Variants in PSD3 observed in about 807,000 individuals in gnomAD.
The protein encoded by PSD3 is pleckstrin and Sec7 domain containing 3, also known as PH and SEC7 domain-containing protein 3.
A neutral mutation model predicts 105.5 loss-of-function variants in PSD3; 49 were observed. That is an observed-to-expected ratio of 0.46 (90% CI 0.37 to 0.59). The LOEUF is 0.59. Among genes scored for constraint, PSD3 ranks in the 20% least tolerant of loss-of-function variants. PSD3 has a pLI of 0.00. For synonymous variants in PSD3, 557 were observed against 457.8 expected, an observed-to-expected ratio of 1.22 and a Z score of -2.77; for missense variants, 1,561 against 1,263.8, an observed-to-expected ratio of 1.24 and a Z score of -3.57.
At chr8:18,537,228 C>G (rs1162285775) in intron 15 of PSD3, among the ~76,000 whole-genome samples, 1 of 152,126 alleles carries the variant, frequency 6.6e-6, no homozygotes, top group African/African-American at 2.4e-5. Flanking sequence ...AATATTCATA[C>G]ACAACTGATA....
At chr8:18,848,786 C>A (rs114384121) in intron 4 of PSD3, among the ~76,000 whole-genome samples, 3 of 152,102 alleles carry the variant, frequency 2.0e-5, no homozygotes, top group African/African-American at 7.2e-5. Context: ...TAGGTTGGGG[C>A]GGAATGCAGA....
At chr8:19,083,854 G>C (rs1211473180) in intron 1 of PSD3, among the ~76,000 whole-genome samples, 2 of 152,190 alleles carry the variant, frequency 1.3e-5, no homozygotes, top group Non-Finnish European at 2.9e-5. Context: ...GTGAGAAAAT[G>C]CCTAGCACAT....
In PSD3 at chr8:18,616,618, C is replaced by CTTTTTTTTT. The variant is rs36197855; in HGVS notation, c.2410+15994_2410+15995insAAAAAAAAA. Among the ~76,000 whole-genome samples the CTTTTTTTTT allele has an allele frequency of 5.1e-3, 368 of 71,996 alleles. 34 individuals carry two copies. Among genetic ancestry groups the CTTTTTTTTT allele is most frequent in the South Asian group, 9.7e-3 (24 of 2,478 alleles). The allele number at this position is 71,996 out of a possible 152,430, so 47.2% of individuals were successfully genotyped here. The stretch of plus-strand genomic sequence containing the variant: ...TGCTAGCCAGGCCTCATCTTCCTCT[C>CTTTTTTTTT]TTTTCTTTTCTTTTTTTTTTTTTGA... On this transcript the variant is annotated intron_variant, in intron 11 of 15. Coordinates refer to ENST00000327040, the MANE Select transcript of PSD3 (RefSeq NM_015310.4).
chr8:18,580,295 T>C (rs1358801090), intron 12 of PSD3, among the ~76,000 whole-genome samples: 7 of 152,070 alleles, frequency 4.6e-5, no homozygotes, highest in Non-Finnish European at 1.0e-4. Context: ...GCACATCAGC[T>C]CCAGACTGAT....
chr8:18,887,206 T>C (rs1217068152), intron 2 of PSD3, among the ~76,000 whole-genome samples: 1 of 152,188 alleles, frequency 6.6e-6, no homozygotes, highest in African/African-American at 2.4e-5. Flanking sequence ...CTTGTATTAT[T>C]TTAACGGACA....
chr8:18,817,191 C>T (rs2632839), intron 4 of PSD3, among the ~76,000 whole-genome samples: 126,252 of 152,192 alleles, frequency 0.83, 52,695 homozygotes, highest in East Asian at 0.9. Flanking sequence ...AAATTAACTG[C>T]CGATTCTCCA....
chr8:18,755,694 T>C (rs1289199549), intron 9 of PSD3, among the ~76,000 whole-genome samples: 1 of 152,004 alleles, frequency 6.6e-6, no homozygotes, highest in African/African-American at 2.4e-5. Flanking sequence ...GTTAAAAATC[T>C]GTTTGTACTC....
At chr8:18,595,327 G>GACAAGACAGA (rs1804012161) in intron 12 of PSD3, among the ~76,000 whole-genome samples, 1 of 148,016 alleles carries the variant, frequency 6.8e-6, no homozygotes, top group Non-Finnish European at 1.5e-5. Context: ...GTAAAAAAGT[G>GACAAGACAGA]ACAAGACAGA....
At position 18,871,714 on chromosome 8, in the gene PSD3, G is replaced by C. The variant is rs754426473; in HGVS notation, c.1150C>G (p.Leu384Val). 6.2e-7 allele frequency: 1 copy of C among 1,614,160 alleles called. No homozygotes were observed. The highest frequency in any genetic ancestry group is 1.1e-5 in the South Asian group (1 of 91,074). Residue 384 changes from leucine (L) to valine (V), a missense_variant, in exon 3 of 16, where the codon CTT becomes GTT. Physicochemically the swap from Leu to Val is conservative, Grantham distance 32. Coordinates refer to ENST00000327040, the MANE Select transcript of PSD3 (RefSeq NM_015310.4). ...ACTTCATCCTCTCCACTCTCATCAA[G>C]ACGCACAGGGGAAAATGTCCCCGAG... ...TSSGTFSPVRLDESGEDEVFL... is the reference protein window; with the variant it reads ...TSSGTFSPVRVDESGEDEVFL...
intron 9 of PSD3, among the ~76,000 whole-genome samples, chr8:18,704,378 C>T (rs1801766989): frequency 6.6e-6 from 1 of 152,118 alleles, no homozygotes; most frequent in Non-Finnish European, 1.5e-5. Context: ...GTCTCTGTCG[C>T]ACAGGCTGGA....
In PSD3 at chr8:18,535,727, T is replaced by G. The variant is rs766813972; in HGVS notation, c.*16A>C. 14 of 1,585,256 alleles carry G rather than the reference T, an allele frequency of 8.8e-6. No homozygotes were observed. In the Admixed American group the frequency reaches 1.8e-4, roughly 21 times the overall value. Reference sequence around the variant, plus strand: ...ATTTTGCTCCATGACCAGCACTTCCTGGCCGCAGATGGACTCTAAGTAACT... The same window carrying G: ...ATTTTGCTCCATGACCAGCACTTCCGGGCCGCAGATGGACTCTAAGTAACT... On this transcript the variant is annotated 3_prime_UTR_variant, in exon 16 of 16. Transcript: ENST00000327040.
intron 9 of PSD3, among the ~76,000 whole-genome samples, chr8:18,741,390 T>A (rs565830552): frequency 1.3e-5 from 2 of 152,186 alleles, no homozygotes; most frequent in African/African-American, 4.8e-5. Context: ...CAAGAGTCCA[T>A]TGATCTTTCC....
rs778382587 is a variant in PSD3 at position 18,766,806 on chromosome 8, C to T, written c.2083-1268G>A. ...CTCTAGTTCCCCAAGTCCCAAATGTCACAGAGCAACCTGAATAGGGCCACA... is the reference window on the plus strand; with the variant it reads ...CTCTAGTTCCCCAAGTCCCAAATGTTACAGAGCAACCTGAATAGGGCCACA... On this transcript the variant is annotated intron_variant, in intron 8 of 15. Coordinates refer to ENST00000327040, the MANE Select transcript of PSD3 (RefSeq NM_015310.4). Among the ~76,000 whole-genome samples, 71 of 152,198 alleles carry T rather than the reference C, an allele frequency of 4.7e-4. 1 individual carries two copies. The highest frequency in any genetic ancestry group is 3.3e-4 in the Admixed American group (5 of 15,290).
At chr8:18,758,995 T>C (rs1311791178) in intron 9 of PSD3, among the ~76,000 whole-genome samples, 1 of 152,040 alleles carries the variant, frequency 6.6e-6, no homozygotes, top group Non-Finnish European at 1.5e-5. Context: ...ACTGTTTTTT[T>C]ATCACTCCAT....
intron 1 of PSD3, chr8:18,940,049 C>T (rs1328694176): frequency 2.6e-5 from 4 of 152,314 alleles, no homozygotes; most frequent in Admixed American, 2.0e-4. Context: ...ACATACTACC[C>T]TAGAGTGGTT....
chr8:18,702,035 T>G (rs1298952687), intron 9 of PSD3, among the ~76,000 whole-genome samples: 1 of 152,198 alleles, frequency 6.6e-6, no homozygotes, highest in African/African-American at 2.4e-5. Context: ...TGCATTCGTT[T>G]CAGCATTTTA....
intron 15 of PSD3, among the ~76,000 whole-genome samples, chr8:18,549,791 G>A (rs1225201997): frequency 6.6e-6 from 1 of 152,164 alleles, no homozygotes; most frequent in Non-Finnish European, 1.5e-5. Context: ...TTCCTGAACT[G>A]AAATATTTTT....
At position 18,910,954 on chromosome 8, in the gene PSD3, A is replaced by G. The variant is rs1336726336; in HGVS notation, c.130+25080T>C. Among the ~76,000 whole-genome samples, 5 of 151,874 alleles carry G rather than the reference A, an allele frequency of 3.3e-5. No homozygotes were observed. In the South Asian group the frequency reaches 1.0e-3, roughly 32 times the overall value. On this transcript the variant is annotated intron_variant, in intron 2 of 15. Coordinates refer to ENST00000327040, the MANE Select transcript of PSD3 (RefSeq NM_015310.4). ...ATTCAAAAAAATAAAAAAAAAAAAA[A>G]TAAGTTAGCCAGGCATGGTGGTGTA... is the stretch of plus-strand genomic sequence containing the variant.
chr8:18,687,169 T>C (rs868146571), intron 9 of PSD3, among the ~76,000 whole-genome samples: 6 of 152,134 alleles, frequency 3.9e-5, no homozygotes, highest in African/African-American at 1.4e-4. Context: ...AACTTTCTTT[T>C]AAAGAAAATT....
Sources: allele counts gnomAD v4.1 joint callset (sites outside exome capture counted in the v4.1 genomes callset), GRCh38; gene constraint gnomAD v4.1.1; transcripts MANE v1.5; gene names NCBI Gene and HGNC (gene_info 2026-07-23, HGNC 2026-07-21).